MACROD2: variants seen among roughly 807,000 people sequenced by gnomAD.
MACROD2 encodes ADP-ribose glycohydrolase MACROD2.
Under a neutral mutation model 70.4 loss-of-function variants are expected in MACROD2, and 36 were observed. The ratio of observed to expected loss-of-function variants is 0.51; its 90% CI spans 0.39 to 0.68. The LOEUF is 0.68. Ranked by LOEUF, MACROD2 falls within the 30% of genes least tolerant of loss-of-function variation. The probability of loss-of-function intolerance (pLI) is 0.00; values close to 1 mark genes in which losing one functional copy is unlikely to be tolerated. For missense variants in MACROD2, 496 were observed against 538.4 expected (o/e 0.92, Z 0.78); for synonymous variants, 172 against 178.8 (o/e 0.96, Z 0.30).
At chr20:15,647,415 A>C (rs1298662792) in intron 8 of MACROD2, among the ~76,000 whole-genome samples, 1 of 122,016 alleles carries the variant, frequency 8.2e-6, no homozygotes, top group Non-Finnish European at 1.6e-5. Flanking sequence ...AGAGGAAGTC[A>C]TAGAGTTAGC....
chr20:15,106,191 T>G (rs903148065), intron 5 of MACROD2, among the ~76,000 whole-genome samples: 5 of 152,220 alleles, frequency 3.3e-5, no homozygotes, highest in African/African-American at 1.2e-4. Flanking sequence ...CTTTATAGCA[T>G]GCCACTGTCT....
chr20:15,798,975 CG>C (rs1235286449), intron 8 of MACROD2, among the ~76,000 whole-genome samples: 1 of 152,110 alleles, frequency 6.6e-6, no homozygotes, highest in African/African-American at 2.4e-5. Context: ...GAAAGAAACC[CG>C]GGGTATGTAT....
At chr20:15,786,539 A>C (rs1266100856) in intron 8 of MACROD2, among the ~76,000 whole-genome samples, 1 of 152,256 alleles carries the variant, frequency 6.6e-6, no homozygotes, top group Non-Finnish European at 1.5e-5. Context: ...CAAAGTTAAA[A>C]GGAAGAAAAT....
chr20:15,018,454 T>C (rs1178822244), intron 5 of MACROD2, among the ~76,000 whole-genome samples: 7 of 152,174 alleles, frequency 4.6e-5, no homozygotes, highest in Admixed American at 3.3e-4. Context: ...TCCCATCTTC[T>C]TCTGAGCCTC....
chr20:15,115,438 A>G (rs2075985153), intron 5 of MACROD2, among the ~76,000 whole-genome samples: 1 of 152,012 alleles, frequency 6.6e-6, no homozygotes, highest in African/African-American at 2.4e-5. Flanking sequence ...TGCCAAGGCT[A>G]GTCTTGAACT....
intron 5 of MACROD2, among the ~76,000 whole-genome samples, chr20:14,737,570 A>G (rs767155396): frequency 1.3e-5 from 2 of 152,142 alleles, no homozygotes; most frequent in Admixed American, 6.5e-5. Context: ...ACTCCCACCA[A>G]CAGTGTAAAA....
At chr20:15,154,938 G>A (rs2076296512) in intron 5 of MACROD2, among the ~76,000 whole-genome samples, 1 of 152,166 alleles carries the variant, frequency 6.6e-6, no homozygotes, top group Non-Finnish European at 1.5e-5. Context: ...GATCAGTGGG[G>A]AAAAGAGTGA....
chr20:15,654,423 A>C (rs2049696614), intron 8 of MACROD2, among the ~76,000 whole-genome samples: 1 of 152,224 alleles, frequency 6.6e-6, no homozygotes, highest in Non-Finnish European at 1.5e-5. Flanking sequence ...ATGGGAGTTC[A>C]GAAGTCTACG....
chr20:15,892,091 A>T (rs4814412), intron 10 of MACROD2, among the ~76,000 whole-genome samples: 82,293 of 151,988 alleles, frequency 0.54, 25,937 homozygotes, highest in Non-Finnish European at 0.7. Context: ...CACTGGCTAC[A>T]TGAACCAGGG....
At chr20:15,155,721 C>A (rs1438018636) in intron 5 of MACROD2, among the ~76,000 whole-genome samples, 1 of 152,054 alleles carries the variant, frequency 6.6e-6, no homozygotes, top group African/African-American at 2.4e-5. Context: ...TAAAAGAGTT[C>A]TTGTTATTAA....
chr20:15,482,338 C>T (rs541177662), intron 7 of MACROD2, among the ~76,000 whole-genome samples: 1 of 152,070 alleles, frequency 6.6e-6, no homozygotes, highest in East Asian at 1.9e-4. Flanking sequence ...AAAAAATGCC[C>T]GACATCATAT....
chr20:14,553,156 C>G (rs1466766625), intron 4 of MACROD2, among the ~76,000 whole-genome samples: 1 of 151,226 alleles, frequency 6.6e-6, no homozygotes, highest in Non-Finnish European at 1.5e-5. Flanking sequence ...ATTTTATAAG[C>G]TTTTTTCTAT....
At chr20:14,835,629 G>A (rs1281131533) in intron 5 of MACROD2, among the ~76,000 whole-genome samples, 3 of 152,178 alleles carry the variant, frequency 2.0e-5, no homozygotes, top group Admixed American at 6.5e-5. Context: ...CCTAATTGTA[G>A]TTGCTTGAGG....
intron 7 of MACROD2, among the ~76,000 whole-genome samples, chr20:15,455,556 A>T (rs1389240043): frequency 6.6e-6 from 1 of 152,116 alleles, no homozygotes; most frequent in African/African-American, 2.4e-5. Flanking sequence ...CTACAATGCA[A>T]TCCTTATCCA....
At chr20:15,868,443 G>A (rs1180405968) in intron 9 of MACROD2, among the ~76,000 whole-genome samples, 1 of 152,042 alleles carries the variant, frequency 6.6e-6, no homozygotes, top group Non-Finnish European at 1.5e-5. Context: ...CATGAATCTA[G>A]AGTAATAATC....
chr20:14,480,753 C>A (rs979579354), intron 3 of MACROD2, among the ~76,000 whole-genome samples: 2 of 151,942 alleles, frequency 1.3e-5, no homozygotes, highest in Non-Finnish European at 2.9e-5. Flanking sequence ...TAATTTGTCT[C>A]CTGTGTACAG....
chr20:14,128,172 T>C, intron 3 of MACROD2: 2 of 424,654 alleles, frequency 4.7e-6, no homozygotes, highest in South Asian at 2.1e-5. Flanking sequence ...ATGCTTTCCC[T>C]GGAGAGCCCA....
chr20:15,244,607 C>T lies in MACROD2; in HGVS notation c.540+14546C>T, dbSNP rs2077089567. ...TTCCCTCTCACTACTGCAAGTGTAT[C>T]ATTCCAGAAGGTATGGTTTGGCCAA... On this transcript the variant is annotated intron_variant, in intron 6 of 17. Coordinates refer to ENST00000684519, the MANE Select transcript of MACROD2 (RefSeq NM_001351661.2). Among the ~76,000 whole-genome samples the T allele has an allele frequency of 1.3e-5, 2 of 152,162 alleles. 1 individual carries two copies. The highest frequency in any genetic ancestry group is 4.1e-4 in the South Asian group (2 of 4,826).
intron 5 of MACROD2, among the ~76,000 whole-genome samples, chr20:15,120,637 T>C (rs1245836948): frequency 6.6e-6 from 1 of 152,192 alleles, no homozygotes; most frequent in Non-Finnish European, 1.5e-5. Context: ...AAAATAAGGA[T>C]TAAAACCATG....
Sources: gnomAD v4.1 joint callset for allele counts (sites outside exome capture counted in the v4.1 genomes callset) on GRCh38, gnomAD v4.1.1 for gene constraint, MANE v1.5 for transcripts, NCBI Gene and HGNC (gene_info 2026-07-23, HGNC 2026-07-21) for gene names.